Variants in ADAM10 observed in about 807,000 individuals in gnomAD.
ADAM10 encodes disintegrin and metalloproteinase domain-containing protein 10.
ADAM10 carries 17 observed loss-of-function variants against 90.1 expected under a neutral mutation model. That is an observed-to-expected ratio of 0.19 (90% CI 0.13 to 0.28). The LOEUF (loss-of-function observed/expected upper bound fraction) is 0.28. ADAM10 is among the 10% of genes least tolerant of loss of function. ADAM10 has a pLI of 1.00. For synonymous variants in ADAM10, 310 were observed against 298.6 expected (o/e 1.04, Z -0.40); for missense variants, 610 against 914.3 (o/e 0.67, Z 4.29).
intron 8 of ADAM10, among the ~76,000 whole-genome samples, chr15:58,640,074 T>C (rs911288168): frequency 1.3e-5 from 2 of 152,166 alleles, no homozygotes; most frequent in Non-Finnish European, 2.9e-5. Flanking sequence ...ACTGAACTTA[T>C]ACAGTAAATC....
intron 2 of ADAM10, chr15:58,692,852 C>T (rs948655006): frequency 1.5e-6 from 1 of 665,100 alleles, no homozygotes; most frequent in Non-Finnish European, 2.9e-6. Context: ...GACTGAAAAG[C>T]CTCCATAAAT....
At chr15:58,659,827 C>T (rs369740584) in intron 5 of ADAM10, among the ~76,000 whole-genome samples, 2 of 152,162 alleles carry the variant, frequency 1.3e-5, no homozygotes, top group South Asian at 2.1e-4. Flanking sequence ...CTCCTGGATT[C>T]ATGCCATTCT....
intron 2 of ADAM10, among the ~76,000 whole-genome samples, chr15:58,705,161 G>A (rs1028442830): frequency 3.9e-5 from 6 of 152,064 alleles, no homozygotes; most frequent in African/African-American, 1.2e-4. Context: ...CCACTACTAT[G>A]TTTCTTTCAG....
chr15:58,698,891 T>G (rs1031614572), intron 2 of ADAM10, among the ~76,000 whole-genome samples: 12 of 152,128 alleles, frequency 7.9e-5, no homozygotes. Context: ...AAATAAGAGC[T>G]GAAAACTTCC....
intron 1 of ADAM10, among the ~76,000 whole-genome samples, chr15:58,742,607 T>A (rs1415942862): frequency 6.6e-6 from 1 of 152,240 alleles, no homozygotes; most frequent in African/African-American, 2.4e-5. Context: ...GCTATCCTAA[T>A]ACTAACGCAA....
intron 1 of ADAM10, among the ~76,000 whole-genome samples, chr15:58,718,904 C>T (rs758005672): frequency 6.6e-6 from 1 of 152,206 alleles, no homozygotes; most frequent in Non-Finnish European, 1.5e-5. Flanking sequence ...CTGGACTCTA[C>T]CTAGGTTCCC....
intron 1 of ADAM10, among the ~76,000 whole-genome samples, chr15:58,740,286 T>C (rs534141987): frequency 9.9e-5 from 15 of 152,194 alleles, no homozygotes; most frequent in African/African-American, 3.4e-4. Context: ...GGCAAGTGCC[T>C]GTAGTCCCAG....
At chr15:58,733,775 T>G (rs1413211220) in intron 1 of ADAM10, among the ~76,000 whole-genome samples, 1 of 151,950 alleles carries the variant, frequency 6.6e-6, no homozygotes, top group African/African-American at 2.4e-5. Flanking sequence ...CTTTTATTCA[T>G]CTATTTATAA....
At chr15:58,644,143 G>T (rs1420938217) in intron 6 of ADAM10, among the ~76,000 whole-genome samples, 165 bp from the exon 7 acceptor site, 1 of 151,538 alleles carries the variant, frequency 6.6e-6, no homozygotes, top group Non-Finnish European at 1.5e-5. Context: ...AGTGAGCTGC[G>T]CTGGGAAGGG....
intron 2 of ADAM10, among the ~76,000 whole-genome samples, chr15:58,712,466 G>A (rs1020556136): frequency 6.7e-6 from 1 of 148,264 alleles, no homozygotes; most frequent in Non-Finnish European, 1.5e-5. Flanking sequence ...AAGAGTTTCA[G>A]TGAAATAAGA....
intron 11 of ADAM10, among the ~76,000 whole-genome samples, chr15:58,621,065 C>A (rs551868387): frequency 6.6e-6 from 1 of 151,724 alleles, no homozygotes; most frequent in Admixed American, 6.6e-5. Context: ...GTAGTCCAAA[C>A]AAGCCTGGGC....
intron 1 of ADAM10, among the ~76,000 whole-genome samples, chr15:58,720,779 C>T (rs1403788155): frequency 6.6e-6 from 1 of 152,134 alleles, no homozygotes; most frequent in African/African-American, 2.4e-5. Flanking sequence ...TTTAAACATA[C>T]TTATAAATGT....
rs1394255200 is a variant in ADAM10, at chr15:58,593,891, T to C, written c.*3656A>G. The C allele has an allele frequency of 1.3e-5, 2 of 152,208 alleles. No individual in the cohort carries two copies. The highest frequency in any genetic ancestry group is 2.9e-5 in the Non-Finnish European group (2 of 68,032). 9.4% of individuals were successfully genotyped at this position (152,208 alleles called of 1,614,324 possible). A position where few individuals can be genotyped will look rare whatever the true frequency, so the allele number is the denominator to read the frequency against. On this transcript the variant is annotated 3_prime_UTR_variant, in exon 16 of 16. Transcript: ENST00000260408. ...TAATATAAAACAGAAGGGCTAAATT[T>C]CTATCCTAATCATATAAAGAGTTGA...
intron 14 of ADAM10, among the ~76,000 whole-genome samples, chr15:58,601,397 GT>G (rs1490599339): frequency 6.6e-5 from 10 of 152,050 alleles, no homozygotes; most frequent in African/African-American, 2.4e-4. Context: ...GGAGGCAGAG[GT>G]TACAGTGAGC....
chr15:58,616,564 T>A (rs1895622730), intron 11 of ADAM10, among the ~76,000 whole-genome samples: 1 of 152,074 alleles, frequency 6.6e-6, no homozygotes, highest in African/African-American at 2.4e-5. Flanking sequence ...AAAATGAAGT[T>A]TAAAAGCTCT....
At position 58,592,677 on chromosome 15, in the gene ADAM10, G is replaced by A. The variant is rs1466202731; in HGVS notation, c.*4870C>T. On this transcript the variant is annotated 3_prime_UTR_variant, in exon 16 of 16. Transcript: ENST00000260408. ...AAAGCTAATCAACTGAATTAAGCAT[G>A]AGTCTTCTATTATTGTTTCTAATAC... 6 of 151,904 alleles carry A rather than the reference G, an allele frequency of 3.9e-5. No homozygotes were observed. Among genetic ancestry groups the A allele is most frequent in the African/African-American group, 1.4e-4 (6 of 41,388 alleles). The allele number at this position is 151,904 out of a possible 1,614,324, so 9.4% of individuals were successfully genotyped here.
intron 2 of ADAM10, among the ~76,000 whole-genome samples, chr15:58,717,073 A>G (rs955502238): frequency 1.3e-5 from 2 of 152,148 alleles, no homozygotes; most frequent in African/African-American, 2.4e-5. Flanking sequence ...CAGGTACTCA[A>G]TAAGTGATTT....
intron 3 of ADAM10, among the ~76,000 whole-genome samples, chr15:58,679,846 T>G (rs527486976): frequency 6.6e-6 from 1 of 152,274 alleles, no homozygotes; most frequent in Admixed American, 6.5e-5. Flanking sequence ...AGGCGGAGGT[T>G]GCTGTGAGCT....
intron 4 of ADAM10, chr15:58,676,197 C>A: frequency 2.3e-6 from 1 of 428,608 alleles, no homozygotes; most frequent in Non-Finnish European, 4.6e-6. Flanking sequence ...GAATTTACAG[C>A]TTTCTTCCAT....
Sources: allele counts gnomAD v4.1 joint callset (sites outside exome capture counted in the v4.1 genomes callset), GRCh38; gene constraint gnomAD v4.1.1; transcripts MANE v1.5; gene names NCBI Gene and HGNC (gene_info 2026-07-23, HGNC 2026-07-21).